Variants in COL26A1 observed in about 807,000 individuals in gnomAD.
The protein encoded by COL26A1 is collagen alpha-1(XXVI) chain.
In COL26A1, 41 loss-of-function variants were observed where a neutral mutation model predicts 59.3. The observed-to-expected ratio is 0.69, with a 90% CI of 0.54 to 0.90. The LOEUF is 0.90. Among genes scored for constraint, COL26A1 ranks in the 40% least tolerant of loss-of-function variants. The pLI, the probability that COL26A1 is intolerant of heterozygous loss-of-function variation, is 0.00. For synonymous variants in COL26A1, 266 were observed against 256.0 expected, an observed-to-expected ratio of 1.04 and a Z score of -0.37; for missense variants, 612 against 602.3, an observed-to-expected ratio of 1.02 and a Z score of -0.17.
At chr7:101,433,168 G>GA (rs1238329493) in intron 2 of COL26A1, among the ~76,000 whole-genome samples, 1 of 151,936 alleles carries the variant, frequency 6.6e-6, no homozygotes, top group Admixed American at 6.6e-5. Context: ...ACTAAAAACA[G>GA]AAAAAATTAG....
chr7:101,423,111 G>T (rs1025646627), intron 2 of COL26A1, among the ~76,000 whole-genome samples: 4 of 151,752 alleles, frequency 2.6e-5, no homozygotes, highest in African/African-American at 7.3e-5. Context: ...CTAAAAATAC[G>T]AAAATTAGCC....
intron 3 of COL26A1, among the ~76,000 whole-genome samples, chr7:101,499,050 A>G (rs1794646491): frequency 6.6e-6 from 1 of 152,216 alleles, no homozygotes; most frequent in Non-Finnish European, 1.5e-5. Context: ...ATTCGGCCTC[A>G]ATGCTTTCCA....
chr7:101,469,867 G>T (rs978791405), intron 3 of COL26A1, among the ~76,000 whole-genome samples: 1 of 152,052 alleles, frequency 6.6e-6, no homozygotes, highest in Non-Finnish European at 1.5e-5. Context: ...TTTGCTGATG[G>T]TTACCATCTT....
intron 1 of COL26A1, chr7:101,388,759 G>C (rs1355845500): frequency 6.6e-6 from 1 of 152,320 alleles, no homozygotes. Flanking sequence ...GTAGAAACAG[G>C]GTTTCACCAT....
At chr7:101,402,666 C>T (rs1355861959) in intron 1 of COL26A1, among the ~76,000 whole-genome samples, 2 of 99,682 alleles carry the variant, frequency 2.0e-5, no homozygotes, top group Non-Finnish European at 3.8e-5. Flanking sequence ...TTCCTTCCCT[C>T]CCTCCCTCCT....
At chr7:101,542,923 G>T (rs1795647824) in intron 5 of COL26A1, among the ~76,000 whole-genome samples, 1 of 152,214 alleles carries the variant, frequency 6.6e-6, no homozygotes, top group Non-Finnish European at 1.5e-5. Flanking sequence ...GGGGACCCAG[G>T]CCCACGAAAG....
chr7:101,505,479 A>T (rs1045387656), intron 3 of COL26A1, among the ~76,000 whole-genome samples: 3 of 152,072 alleles, frequency 2.0e-5, no homozygotes, highest in Admixed American at 1.3e-4. Context: ...GGAGTTTGTT[A>T]AGGAGTATTA....
At chr7:101,393,750 T>C (rs1791788263) in intron 1 of COL26A1, among the ~76,000 whole-genome samples, 2 of 147,416 alleles carry the variant, frequency 1.4e-5, no homozygotes, top group Non-Finnish European at 3.0e-5. Context: ...CCTGGCCAAT[T>C]TTTAATTTAT....
chr7:101,442,681 G>T (rs543848409), intron 2 of COL26A1, among the ~76,000 whole-genome samples: 39 of 152,238 alleles, frequency 2.6e-4, no homozygotes, highest in African/African-American at 9.1e-4. Flanking sequence ...ACGGTCAGAG[G>T]TTAGTCCTCA....
At chr7:101,423,389 T>C (rs1792570454) in intron 2 of COL26A1, among the ~76,000 whole-genome samples, 1 of 152,172 alleles carries the variant, frequency 6.6e-6, no homozygotes, top group South Asian at 2.1e-4. Context: ...TAATGTTGCA[T>C]AGTTGTTCTC....
chr7:101,505,856 A>G (rs1221911661), intron 3 of COL26A1, among the ~76,000 whole-genome samples: 6 of 152,218 alleles, frequency 3.9e-5, no homozygotes, highest in African/African-American at 1.2e-4. Flanking sequence ...AGTATTAACC[A>G]TCACAGCTGC....
At chr7:101,399,522 C>T (rs1791942394) in intron 1 of COL26A1, among the ~76,000 whole-genome samples, 3 of 152,106 alleles carry the variant, frequency 2.0e-5, no homozygotes, top group Non-Finnish European at 4.4e-5. Context: ...TGGGATTTCA[C>T]CATTTTGCCC....
intron 1 of COL26A1, among the ~76,000 whole-genome samples, chr7:101,408,221 C>T (rs4729705): frequency 0.44 from 67,349 of 151,930 alleles, 16,924 homozygotes; most frequent in Admixed American, 0.57. Flanking sequence ...AGGATAAATC[C>T]CTGGGGAAGG....
chr7:101,387,180 T>C (rs1031794828), intron 1 of COL26A1, among the ~76,000 whole-genome samples: 4 of 152,080 alleles, frequency 2.6e-5, no homozygotes, highest in Admixed American at 2.0e-4. Flanking sequence ...CAAGAGCTGC[T>C]TTCTTTCCGC....
intron 1 of COL26A1, among the ~76,000 whole-genome samples, chr7:101,384,230 GTTTTT>G (rs35085221): frequency 9.5e-6 from 1 of 105,684 alleles, no homozygotes; most frequent in African/African-American, 3.9e-5. Flanking sequence ...GTTCAGGCTG[GTTTTT>G]TTTTTTTTTT....
intron 3 of COL26A1, among the ~76,000 whole-genome samples, chr7:101,531,746 C>G (rs529737119): frequency 1.3e-5 from 2 of 152,102 alleles, no homozygotes; most frequent in Non-Finnish European, 2.9e-5. Flanking sequence ...CCCCAAACAT[C>G]TATTGCAGAG....
chr7:101,523,265 C>G (rs1795175583), intron 3 of COL26A1, among the ~76,000 whole-genome samples: 1 of 152,050 alleles, frequency 6.6e-6, no homozygotes, highest in Non-Finnish European at 1.5e-5. Flanking sequence ...GATGAGGTTT[C>G]ACTATGTTGG....
chr7:101,372,955 A>G (rs1791228097), intron 1 of COL26A1, among the ~76,000 whole-genome samples: 1 of 152,196 alleles, frequency 6.6e-6, no homozygotes, highest in Non-Finnish European at 1.5e-5. Flanking sequence ...TGATCGTGCC[A>G]CTGCACTCCA....
chr7:101,546,428 T>TG (rs1795738418), intron 7 of COL26A1, among the ~76,000 whole-genome samples: 1 of 146,210 alleles, frequency 6.8e-6, no homozygotes, highest in African/African-American at 2.6e-5. Flanking sequence ...TGAGTGGAGA[T>TG]GGGGTCTCAC....
Sources: gnomAD v4.1 joint callset for allele counts (sites outside exome capture counted in the v4.1 genomes callset) on GRCh38, gnomAD v4.1.1 for gene constraint, MANE v1.5 for transcripts, NCBI Gene and HGNC (gene_info 2026-07-23, HGNC 2026-07-21) for gene names.